GJA5: variants seen among roughly 807,000 people sequenced by gnomAD.
GJA5 encodes gap junction alpha-5 protein.
A neutral mutation model predicts 7.9 loss-of-function variants in GJA5; 3 were observed. The observed-to-expected ratio is 0.38, with a 90% CI of 0.17 to 0.99. The LOEUF (loss-of-function observed/expected upper bound fraction) is 0.99. GJA5 is among the 50% of genes least tolerant of loss of function. The pLI, the probability that GJA5 is intolerant of heterozygous loss-of-function variation, is 0.38. For synonymous variants in GJA5, 193 were observed against 181.0 expected (o/e 1.07, Z -0.53); for missense variants, 390 against 457.9 (o/e 0.85, Z 1.35).
At chr1:147,760,209 C>T (rs782070907) in intron 1 of GJA5, among the ~76,000 whole-genome samples, 3 of 152,112 alleles carry the variant, frequency 2.0e-5, no homozygotes, top group Admixed American at 6.5e-5. Context: ...ATCTGCCCAC[C>T]CTTATGTCCA....
At position 147,758,767 on chromosome 1, in the gene GJA5, G is replaced by A. The variant is rs782668682; in HGVS notation, c.472C>T (p.Leu158=). ...CCCACCTCCATGGTGGTGCGGATCA[G>A]GATGCTGCACACATAGGTGTTGAGC... ...TLLNTYVCSI[L]IRTTMEVGFI... The change falls in exon 2 of 2, where the codon CTG becomes TTG. Residue 158 remains leucine, a synonymous_variant. Transcript: ENST00000579774. 6.0e-5 allele frequency: 97 copies of A among 1,613,980 alleles called. 2 individuals carry two copies. The South Asian group carries it at 9.3e-4, about 16-fold the overall frequency.
At chr1:147,769,370 G>A (rs587745251) in intron 1 of GJA5, among the ~76,000 whole-genome samples, 7 of 152,290 alleles carry the variant, frequency 4.6e-5, no homozygotes, top group African/African-American at 1.7e-4. Context: ...GTAGGGCTAG[G>A]ACCCTGCTTG....
chr1:147,764,581 T>G (rs1444029221), upstream of GJA5, among the ~76,000 whole-genome samples: 1 of 152,172 alleles, frequency 6.6e-6, no homozygotes, highest in East Asian at 1.9e-4. Flanking sequence ...TTCCAGCACT[T>G]TGGAAGGCCG....
At chr1:147,767,588 G>A (rs587749802) in intron 1 of GJA5, among the ~76,000 whole-genome samples, 4 of 146,452 alleles carry the variant, frequency 2.7e-5, no homozygotes, top group South Asian at 4.4e-4. Context: ...TTTAGAGATG[G>A]GGTTTTGTCC....
chr1:147,758,268 G>C lies in GJA5; in HGVS notation c.971C>G (p.Pro324Arg), dbSNP rs1553226769. Reference protein sequence around the residue: ...QVRYGQKPEVPNGVSPGHRLP... With the variant: ...QVRYGQKPEVRNGVSPGHRLP... ...GCGGTGACCTGGTGAGACTCCATTG[G>C]GCACCTCAGGCTTCTGGCCATAACG... Residue 324 changes from proline to arginine, a missense_variant, in exon 2 of 2, where the codon CCC (proline) becomes CGC (arginine). Around this residue, in one of 2 missense-constraint regions of GJA5, gnomAD observed 354 missense variants for 370.9 expected, o/e 0.95. Coordinates refer to ENST00000579774, the MANE Select transcript of GJA5 (RefSeq NM_181703.4). 1 of 1,614,092 alleles carries C rather than the reference G, an allele frequency of 6.2e-7. No individual in the cohort carries two copies. Among genetic ancestry groups the C allele is most frequent in the East Asian group, 2.2e-5 (1 of 44,866 alleles).
chr1:147,758,657 G>T lies in GJA5; in HGVS notation c.582C>A (p.Val194=). The part of the protein sequence containing the change: ...VCRRSPCPHP[V]NCYVSRPTEK... Reference sequence around the variant, plus strand: ...CTGTGGGCCGGGATACGTAACAGTTGACCGGGTGGGGACAGGGACTCCTGC... The same window carrying T: ...CTGTGGGCCGGGATACGTAACAGTTTACCGGGTGGGGACAGGGACTCCTGC... Residue 194 remains valine, a synonymous_variant, in exon 2 of 2, where the codon GTC becomes GTA. Coordinates refer to ENST00000579774, the MANE Select transcript of GJA5 (RefSeq NM_181703.4). 1.2e-6 allele frequency: 2 copies of T among 1,614,164 alleles called. No individual in the cohort carries two copies. The highest frequency in any genetic ancestry group is 1.1e-5 in the South Asian group (1 of 91,072).
intron 1 of GJA5, among the ~76,000 whole-genome samples, chr1:147,772,095 C>T (rs1664428214): frequency 6.6e-6 from 1 of 152,168 alleles, no homozygotes; most frequent in African/African-American, 2.4e-5. Context: ...CCCTTGGTCT[C>T]TTCTCTCCTT....
chr1:147,763,388 A>G (rs1173727198), upstream of GJA5, among the ~76,000 whole-genome samples: 2 of 152,214 alleles, frequency 1.3e-5, no homozygotes, highest in Non-Finnish European at 2.9e-5. Flanking sequence ...GTTAACATAA[A>G]GGAAGTATAA....
chr1:147,758,648 G>C lies in GJA5; in HGVS notation c.591C>G (p.Tyr197Ter). Residue 197 changes from tyrosine to a stop codon, truncating the protein, a stop_gained, in exon 2 of 2, where the codon TAC becomes TAG. Coordinates refer to ENST00000579774, the MANE Select transcript of GJA5 (RefSeq NM_181703.4). LOFTEE classifies it low-confidence loss of function (END_TRUNC). ...RSPCPHPVNCYVSRPTEKNVF... is the reference protein window; with the variant it reads ...RSPCPHPVNC ...CATTCTTCTCTGTGGGCCGGGATAC[G>C]TAACAGTTGACCGGGTGGGGACAGG... The C allele has an allele frequency of 3.1e-6, 5 of 1,614,140 alleles. No homozygotes were observed. The highest frequency in any genetic ancestry group is 4.2e-6 in the Non-Finnish European group (5 of 1,179,976).
upstream of GJA5, among the ~76,000 whole-genome samples, chr1:147,761,110 C>T (rs1404563466): frequency 1.3e-5 from 2 of 152,216 alleles, no homozygotes; most frequent in African/African-American, 4.8e-5. Context: ...ACTCTTGAGG[C>T]TCCCTACCTC....
Position 147,758,290 on chromosome 1 carries a change from A to T in GJA5, c.949T>A (p.Tyr317Asn). 1 of 1,614,118 alleles carries T rather than the reference A, an allele frequency of 6.2e-7. No individual in the cohort carries two copies. The highest frequency in any genetic ancestry group is 8.5e-7 in the Non-Finnish European group (1 of 1,179,996). The change falls in exon 2 of 2, where the codon TAT (tyrosine) becomes AAT (asparagine). Residue 317 changes from tyrosine to asparagine, a missense_variant. Coordinates refer to ENST00000579774, the MANE Select transcript of GJA5 (RefSeq NM_181703.4). ...TPGEGFIQVR[Y>N]GQKPEVPNGV... ...TTGGGCACCTCAGGCTTCTGGCCAT[A>T]ACGAACCTGGATGAAACCTTCCCCA...
At chr1:147,770,902 G>C (rs1664372641) in intron 1 of GJA5, among the ~76,000 whole-genome samples, 2 of 152,180 alleles carry the variant, frequency 1.3e-5, no homozygotes. Flanking sequence ...TCCTTTCCAG[G>C]AACCCTGAAG....
In GJA5 at chr1:147,756,905, C is replaced by T. The variant is rs1343795102; in HGVS notation, c.*1257G>A. On this transcript the variant is annotated 3_prime_UTR_variant, in exon 2 of 2. Transcript: ENST00000579774. ...AGTCTCATTAGGGGCACTAGGGAGA[C>T]ATAGGAATCTCTGCGCTCTTTAAAT... The T allele has an allele frequency of 1.3e-5, 2 of 152,126 alleles. No individual in the cohort carries two copies. Among genetic ancestry groups the T allele is most frequent in the African/African-American group, 4.8e-5 (2 of 41,394 alleles). 9.4% of individuals were successfully genotyped at this position (152,126 alleles called of 1,614,324 possible).
chr1:147,758,828 C>T lies in GJA5; in HGVS notation c.411G>A (p.Glu137=). 1.2e-6 allele frequency: 2 copies of T among 1,614,222 alleles called. No homozygotes were observed. The highest frequency in any genetic ancestry group is 2.2e-5 in the South Asian group (2 of 91,088). Residue 137 remains glutamate (E), a synonymous_variant, in exon 2 of 2, where the codon GAG becomes GAA. Transcript: ENST00000579774. ...GGAGGGCAATCCTTCCATTCCCTTC[C>T]TCCCAGCAGGACAGTTCTGCCTTCT... ...VAEKAELSCW[E]EGNGRIALQG... is the part of the protein sequence containing the mutation.
At chr1:147,770,436 A>G (rs1664354248) in intron 1 of GJA5, among the ~76,000 whole-genome samples, 1 of 145,162 alleles carries the variant, frequency 6.9e-6, no homozygotes, top group Non-Finnish European at 1.5e-5. Context: ...GGAGTCCTAG[A>G]AAAAAAAAAT....
In GJA5 at chr1:147,758,359, CTG is replaced by C; in HGVS notation, c.878_879del (p.Thr293ArgfsTer29). 6.2e-7 allele frequency: 1 copy of C among 1,614,120 alleles called. No individual in the cohort carries two copies. The highest frequency in any genetic ancestry group is 8.5e-7 in the Non-Finnish European group (1 of 1,180,014). Reference sequence around the variant, plus strand: ...CGTACTTGCTCGGTGACCAGGTTGTCTGTGTTTTGTTGGGAGGCCATATTATT... The same window carrying C: ...CGTACTTGCTCGGTGACCAGGTTGTCTGTTTTGTTGGGAGGCCATATTATT... ...FSNNMASQQN[T>X]DNLVTEQVRG... On this transcript the variant is annotated frameshift_variant, in exon 2 of 2. Transcript: ENST00000579774. LOFTEE classifies it high-confidence loss of function.
At chr1:147,762,652 T>C (rs587699482), upstream of GJA5, among the ~76,000 whole-genome samples, 43 of 152,282 alleles carry the variant, frequency 2.8e-4, no homozygotes, top group African/African-American at 8.7e-4. Flanking sequence ...GAAGGGTTTT[T>C]CATGTATGAC....
chr1:147,761,779 C>T (rs1029072743), upstream of GJA5, among the ~76,000 whole-genome samples: 19 of 151,884 alleles, frequency 1.3e-4, no homozygotes, highest in African/African-American at 4.4e-4. Context: ...CAGCCACACA[C>T]GTGCAGTGAC....
chr1:147,759,489 T>C (rs587706874), intron 1 of GJA5, among the ~76,000 whole-genome samples: 11 of 152,332 alleles, frequency 7.2e-5, no homozygotes, highest in African/African-American at 2.4e-4. Context: ...TTAGCAAAAT[T>C]AGAGCATGGC....
Sources: allele counts gnomAD v4.1 joint callset (sites outside exome capture counted in the v4.1 genomes callset), GRCh38; gene constraint gnomAD v4.1.1; regional missense constraint gnomAD v4.1.1; transcripts MANE v1.5; gene names NCBI Gene and HGNC (gene_info 2026-07-23, HGNC 2026-07-21).